ABR: variants seen among roughly 807,000 people sequenced by gnomAD.
ABR encodes ABR activator of RhoGEF and GTPase.
Under a neutral mutation model 107.2 loss-of-function variants are expected in ABR, and 35 were observed. That is an observed-to-expected ratio of 0.33 (90% CI 0.25 to 0.43). The LOEUF is 0.43. ABR is among the 20% of genes least tolerant of loss of function. The pLI is 1.00. For synonymous variants in ABR, 498 were observed against 462.0 expected (o/e 1.08, Z -1.00); for missense variants, 815 against 1,115.2 (o/e 0.73, Z 3.83).
intron 1 of ABR, among the ~76,000 whole-genome samples, chr17:1,196,400 A>C (rs146040290): frequency 0.022 from 3,366 of 152,294 alleles, 125 homozygotes; most frequent in African/African-American, 0.076. Flanking sequence ...ACTGCACTCC[A>C]GCCTGGGTGA....
chr17:1,018,242 C>T (rs377407054), intron 16 of ABR, among the ~76,000 whole-genome samples: 5 of 151,896 alleles, frequency 3.3e-5, no homozygotes, highest in Admixed American at 6.6e-5. Context: ...CGGGGTTTCA[C>T]CGTGTTAGCC....
At chr17:1,060,114 A>C (rs2033753520) in intron 10 of ABR, among the ~76,000 whole-genome samples, 1 of 152,214 alleles carries the variant, frequency 6.6e-6, no homozygotes, top group South Asian at 2.1e-4. Flanking sequence ...GCAGTTGTTA[A>C]AAAGAATCTG....
chr17:1,213,813 A>G (rs533703168), intron 1 of ABR, among the ~76,000 whole-genome samples: 3 of 152,332 alleles, frequency 2.0e-5, no homozygotes, highest in African/African-American at 4.8e-5. Context: ...GACAGACTCT[A>G]TGGTTCCAAA....
intron 1 of ABR, among the ~76,000 whole-genome samples, chr17:1,201,621 T>C (rs978317418): frequency 8.5e-5 from 13 of 152,142 alleles, no homozygotes; most frequent in African/African-American, 3.1e-4. Context: ...AACCACACGC[T>C]TTGTTTTCTG....
chr17:1,199,909 A>G (rs1242687250), intron 1 of ABR, among the ~76,000 whole-genome samples: 1 of 150,214 alleles, frequency 6.7e-6, no homozygotes, highest in Non-Finnish European at 1.5e-5. Context: ...GTATGCATAT[A>G]ATAGAGCTCT....
chr17:1,129,947 G>A (rs375410998), intron 1 of ABR, among the ~76,000 whole-genome samples: 2 of 151,968 alleles, frequency 1.3e-5, no homozygotes, highest in African/African-American at 2.4e-5. Flanking sequence ...ACTCTGTCTC[G>A]AAACAACCAA....
rs56033950 is a variant in ABR at position 1,022,120 on chromosome 17, A to AAAAAAAACAAAAC, written c.1792-8957_1792-8956insGTTTTGTTTTTTT. ...AGACTCTGTCTCAAAAAAAAAAAAAAAAAAACAGAAAATGACTCCAGAAGG... is the reference window on the plus strand; with the variant it reads ...AGACTCTGTCTCAAAAAAAAAAAAAAAAAAAAACAAAACAAAAACAGAAAATGACTCCAGAAGG... On this transcript the variant is annotated intron_variant, in intron 16 of 22. Coordinates refer to ENST00000302538, the MANE Select transcript of ABR (RefSeq NM_021962.5). 1.7e-5 allele frequency among the ~76,000 whole-genome samples: 2 copies of AAAAAAAACAAAAC among 118,388 alleles called. 1 individual carries two copies. Among genetic ancestry groups the AAAAAAAACAAAAC allele is most frequent in the African/African-American group, 7.3e-5 (2 of 27,354 alleles). 77.7% of individuals were successfully genotyped at this position (118,388 alleles called of 152,430 possible).
intron 10 of ABR, 107 bp from the exon 11 acceptor site, chr17:1,058,974 C>T (rs1421896013): frequency 8.1e-6 from 12 of 1,487,308 alleles, no homozygotes; most frequent in Admixed American, 4.1e-5. Context: ...TTACATTTTC[C>T]GTATTTCGTG....
At chr17:1,006,816 C>T (rs1250613891) in intron 22 of ABR, among the ~76,000 whole-genome samples, 3 of 81,774 alleles carry the variant, frequency 3.7e-5, no homozygotes, top group African/African-American at 5.1e-5. Context: ...CCGCCAGCCA[C>T]GGGCCCGGGC....
chr17:1,133,061 G>A (rs943583905), intron 1 of ABR, among the ~76,000 whole-genome samples: 3 of 151,988 alleles, frequency 2.0e-5, no homozygotes, highest in Non-Finnish European at 2.9e-5. Flanking sequence ...TGACCCACAC[G>A]GAGAAACCCC....
At chr17:1,099,007 G>A (rs547911050) in intron 3 of ABR, among the ~76,000 whole-genome samples, 113 of 151,884 alleles carry the variant, frequency 7.4e-4, no homozygotes, top group Non-Finnish European at 1.4e-3. Context: ...GGCTGGTCTC[G>A]AACTCCTGAC....
At chr17:1,018,238 T>TTTG (rs2071337567) in intron 16 of ABR, among the ~76,000 whole-genome samples, 1 of 151,524 alleles carries the variant, frequency 6.6e-6, no homozygotes, top group Admixed American at 6.6e-5. Context: ...GAGACGGGGT[T>TTTG]TCACCGTGTT....
chr17:1,228,632 G>A (rs1000937124), intron 1 of ABR, among the ~76,000 whole-genome samples: 1 of 152,164 alleles, frequency 6.6e-6, no homozygotes, highest in Non-Finnish European at 1.5e-5. Flanking sequence ...CTCCACAGGT[G>A]GCTTTGGGGT....
chr17:1,028,977 A>C (rs1176615299), intron 16 of ABR, among the ~76,000 whole-genome samples: 2 of 152,072 alleles, frequency 1.3e-5, no homozygotes. Flanking sequence ...CTTCCCCTCC[A>C]AAGCTCAAGC....
upstream of ABR, among the ~76,000 whole-genome samples, chr17:1,181,378 G>A (rs1038101008): frequency 9.9e-5 from 15 of 152,266 alleles, 1 homozygote; most frequent in African/African-American, 3.6e-4. Flanking sequence ...TGATGCTCTG[G>A]GTGGGGAAGC....
At chr17:1,124,456 C>T (rs960484571) in intron 2 of ABR, among the ~76,000 whole-genome samples, 1 of 152,196 alleles carries the variant, frequency 6.6e-6, no homozygotes, top group Non-Finnish European at 1.5e-5. Flanking sequence ...AGGCAAACAA[C>T]CCCCAGAACC....
rs781351778 is a variant in ABR, at chr17:1,072,598, C to T, written c.894+16G>A. The T allele has an allele frequency of 5.0e-6, 8 of 1,595,930 alleles. 1 individual carries two copies. Among genetic ancestry groups the T allele is most frequent in the South Asian group, 4.5e-5 (4 of 88,992 alleles). On this transcript the variant is annotated intron_variant, in intron 8 of 22. Transcript: ENST00000302538. ...TCTCAGCCTGGGTGAGGGGCCGTGC[C>T]GGGCTCTGAGCTCACCTCCCCCTTG...
At chr17:1,201,608 C>CA (rs2042672394) in intron 1 of ABR, among the ~76,000 whole-genome samples, 1 of 152,158 alleles carries the variant, frequency 6.6e-6, no homozygotes, top group African/African-American at 2.4e-5. Context: ...GTCACCAAAG[C>CA]AAAACCACAC....
At chr17:1,089,430 G>A (rs1302452933) in intron 4 of ABR, among the ~76,000 whole-genome samples, 2 of 152,218 alleles carry the variant, frequency 1.3e-5, no homozygotes, top group Admixed American at 1.3e-4. Context: ...GATTCAGAGC[G>A]GTTGGGTAAG....
Sources: gnomAD v4.1 joint callset for allele counts (sites outside exome capture counted in the v4.1 genomes callset) on GRCh38, gnomAD v4.1.1 for gene constraint, MANE v1.5 for transcripts, NCBI Gene and HGNC (gene_info 2026-07-23, HGNC 2026-07-21) for gene names.